Variants in IFI27L1 observed in about 807,000 individuals in gnomAD.
IFI27L1 encodes the protein interferon alpha-inducible protein 27-like protein 1.
IFI27L1 carries 3 observed loss-of-function variants against 9.2 expected under a neutral mutation model. The observed-to-expected ratio is 0.32, with a 90% confidence interval of 0.15 to 0.84. IFI27L1 has a LOEUF of 0.84. Among genes scored for constraint, IFI27L1 ranks in the 40% least tolerant of loss-of-function variants. The pLI is 0.56. For synonymous variants in IFI27L1, 53 were observed against 50.0 expected, an observed-to-expected ratio of 1.06 and a Z score of -0.26; for missense variants, 133 against 134.2, an observed-to-expected ratio of 0.99 and a Z score of 0.05.
At position 94,086,181 on chromosome 14, in the gene IFI27L1, G is replaced by A. The variant is rs1276126694; in HGVS notation, c.-52+4732G>A. Among the ~76,000 whole-genome samples, 3 of 152,058 alleles carry A rather than the reference G, an allele frequency of 2.0e-5. No individual in the cohort carries two copies. The South Asian group carries it at 6.2e-4, about 32-fold the overall frequency. On this transcript the variant is annotated intron_variant, in intron 1 of 4. Coordinates refer to ENST00000555523, the MANE Select transcript of IFI27L1 (RefSeq NM_206949.3). The stretch of plus-strand genomic sequence containing the variant: ...GAGATCTGGTGGTTTAAAAGTGTGT[G>A]GCGCCTCCCCTCAATTCTCTCTGAC...
intron 1 of IFI27L1, among the ~76,000 whole-genome samples, chr14:94,096,468 G>A (rs1886668009): frequency 6.6e-6 from 1 of 152,190 alleles, no homozygotes; most frequent in Non-Finnish European, 1.5e-5. Context: ...GGCCAGGGTG[G>A]GCGGATCACG....
intron 1 of IFI27L1, chr14:94,089,403 T>C (rs754023670): frequency 3.9e-5 from 6 of 152,170 alleles, no homozygotes; most frequent in Non-Finnish European, 8.8e-5. Flanking sequence ...AACTTCTTGA[T>C]GTTGCCATGG....
At chr14:94,098,524 A>C (rs1469554980) in intron 2 of IFI27L1, among the ~76,000 whole-genome samples, 1 of 152,232 alleles carries the variant, frequency 6.6e-6, no homozygotes, top group Non-Finnish European at 1.5e-5. Context: ...ATTCACAAGT[A>C]CCAGATGTTA....
chr14:94,102,548 G>A lies in IFI27L1; in HGVS notation c.295G>A (p.Gly99Ser). 1 of 1,575,026 alleles carries A rather than the reference G, an allele frequency of 6.3e-7. No individual in the cohort carries two copies. Among genetic ancestry groups the A allele is most frequent in the East Asian group, 2.4e-5 (1 of 41,922 alleles). Reference protein sequence around the residue: ...FAGTALGAWLGSPPSS With the variant: ...FAGTALGAWLSSPPSS ...TGGGACAGCTCTTGGGGCCTGGCTG[G>A]GTTCACCCCCTTCCAGCTGAACACC... The change falls in exon 5 of 5, where the codon GGT (glycine) becomes AGT (serine). Residue 99 changes from glycine to serine, a missense_variant. Transcript: ENST00000555523.
intron 3 of IFI27L1, 32 bp downstream of exon 3, chr14:94,100,803 C>G (rs1567072564): frequency 6.2e-7 from 1 of 1,611,426 alleles, no homozygotes; most frequent in Non-Finnish European, 8.5e-7. Context: ...CTCAAGCCCC[C>G]ATCCCCCGCC....
At chr14:94,083,358 A>C (rs549994543) in intron 1 of IFI27L1, among the ~76,000 whole-genome samples, 1 of 152,356 alleles carries the variant, frequency 6.6e-6, no homozygotes, top group East Asian at 1.9e-4. Flanking sequence ...TTGAAATGAC[A>C]ATGAAGGATT....
At chr14:94,086,291 G>A (rs1886279303) in intron 1 of IFI27L1, among the ~76,000 whole-genome samples, 1 of 152,216 alleles carries the variant, frequency 6.6e-6, no homozygotes, top group African/African-American at 2.4e-5. Flanking sequence ...TAGAAGCTGA[G>A]CAGATGTCAG....
chr14:94,086,252 C>T (rs563382191), intron 1 of IFI27L1, among the ~76,000 whole-genome samples: 41 of 152,304 alleles, frequency 2.7e-4, no homozygotes, highest in African/African-American at 8.7e-4. Flanking sequence ...CCACCTTCTG[C>T]CATGATCGTA....
intron 1 of IFI27L1, 86 bp from the exon 2 acceptor site, chr14:94,096,801 T>G (rs1413872391): frequency 9.2e-6 from 6 of 654,372 alleles, no homozygotes; most frequent in Admixed American, 2.8e-5. Context: ...TTAATGTTTT[T>G]ATAGTCCCAG....
intron 3 of IFI27L1, chr14:94,101,049 C>T (rs12437160): frequency 0.21 from 122,752 of 581,334 alleles, 16,240 homozygotes; most frequent in East Asian, 0.42. Flanking sequence ...AGTCACAGCC[C>T]GGGATTCCTC....
intron 1 of IFI27L1, chr14:94,088,202 C>G: frequency 2.9e-6 from 2 of 701,090 alleles, no homozygotes; most frequent in Non-Finnish European, 5.2e-6. Flanking sequence ...TGTGCTTCGG[C>G]TTCTTCTACT....
intron 1 of IFI27L1, among the ~76,000 whole-genome samples, chr14:94,085,228 C>T (rs1886244411): frequency 6.6e-6 from 1 of 152,166 alleles, no homozygotes; most frequent in Non-Finnish European, 1.5e-5. Flanking sequence ...GAAAATGGCT[C>T]ATCTAGCCAG....
rs1443688567 is a variant in IFI27L1 at position 94,102,199 on chromosome 14, C to G, written c.223+224C>G. On this transcript the variant is annotated intron_variant, in intron 4 of 4. Transcript: ENST00000555523. ...AAAACCCAGGCAGGTCTCCTCCCCTCTCTGGGCCTTTGGAAGATAAGGAAC... is the reference window on the plus strand; with the variant it reads ...AAAACCCAGGCAGGTCTCCTCCCCTGTCTGGGCCTTTGGAAGATAAGGAAC... The G allele has an allele frequency of 4.9e-6, 3 of 609,252 alleles. No individual in the cohort carries two copies. The African/African-American group carries it at 5.6e-5, about 11-fold the overall frequency. The allele number at this position is 609,252 out of a possible 1,614,324, so 37.7% of individuals were successfully genotyped here.
At chr14:94,098,276 G>A (rs2139273483) in intron 2 of IFI27L1, among the ~76,000 whole-genome samples, 1 of 152,336 alleles carries the variant, frequency 6.6e-6, no homozygotes, top group Admixed American at 6.5e-5. Context: ...AATGTTCCAT[G>A]CCACTCCCTA....
At chr14:94,101,457 T>G in intron 3 of IFI27L1, 1 of 310,848 alleles carries the variant, frequency 3.2e-6, no homozygotes, top group Non-Finnish European at 5.9e-6. Flanking sequence ...GATATTGTCT[T>G]CTGTCAACCT....
chr14:94,099,402 T>C (rs1003970544), intron 2 of IFI27L1, among the ~76,000 whole-genome samples: 1 of 152,086 alleles, frequency 6.6e-6, no homozygotes, highest in Non-Finnish European at 1.5e-5. Flanking sequence ...GTGGTGCAGG[T>C]TTGAAGATCC....
Position 94,102,586 on chromosome 14 carries a change from G to A in IFI27L1, c.*18G>A, listed in dbSNP as rs1886945354. ...CCAGCTGAACACCACACTGAGGCAG[G>A]GAGTTGGCTCTCTTGGTGGAGATGA... is the stretch of plus-strand genomic sequence containing the variant. On this transcript the variant is annotated 3_prime_UTR_variant, in exon 5 of 5. Transcript: ENST00000555523. 1 of 1,462,704 alleles carries A rather than the reference G, an allele frequency of 6.8e-7. No homozygotes were observed. Among genetic ancestry groups the A allele is most frequent in the South Asian group, 1.4e-5 (1 of 72,756 alleles). 90.6% of individuals were successfully genotyped at this position (1,462,704 alleles called of 1,614,324 possible).
chr14:94,089,267 C>CT (rs1487650311), intron 1 of IFI27L1: 1 of 152,146 alleles, frequency 6.6e-6, no homozygotes, highest in Non-Finnish European at 1.5e-5. Flanking sequence ...GCTTGAGCTG[C>CT]TTGAATGATA....
At chr14:94,087,074 G>C (rs1886304889) in intron 1 of IFI27L1, among the ~76,000 whole-genome samples, 1 of 152,056 alleles carries the variant, frequency 6.6e-6, no homozygotes, top group African/African-American at 2.4e-5. Flanking sequence ...GAAAAATGAA[G>C]ACAATTATGT....
Sources: gnomAD v4.1 joint callset for allele counts (sites outside exome capture counted in the v4.1 genomes callset) on GRCh38, gnomAD v4.1.1 for gene constraint, MANE v1.5 for transcripts, NCBI Gene and HGNC (gene_info 2026-07-23, HGNC 2026-07-21) for gene names.